Variants in TENM1 observed in about 807,000 individuals in gnomAD.
TENM1 encodes the protein teneurin transmembrane protein 1.
In TENM1, 35 loss-of-function variants were observed where a neutral mutation model predicts 174.8. That is an observed-to-expected ratio of 0.20 (90% CI 0.15 to 0.27). The LOEUF (loss-of-function observed/expected upper bound fraction) is 0.27, where lower values mean the gene tolerates loss of function less well. Among genes scored for constraint, TENM1 ranks in the 10% least tolerant of loss-of-function variants. The probability of loss-of-function intolerance (pLI) is 1.00; values close to 1 mark genes in which losing one functional copy is unlikely to be tolerated. For synonymous variants in TENM1, 781 were observed against 798.7 expected (o/e 0.98, Z 0.37); for missense variants, 1,633 against 2,130.1 (o/e 0.77, Z 4.59).
At chrX:124,727,795 C>T (rs1369541504) in intron 4 of TENM1, among the ~76,000 whole-genome samples, 1 of 111,047 alleles carries the variant, frequency 9.0e-6, no homozygotes, top group Non-Finnish European at 1.9e-5. Flanking sequence ...AATGAGGGTG[C>T]AAATTTCATG....
At chrX:125,067,599 C>G in the TENM1 span, among the ~76,000 whole-genome samples, 2 of 111,920 alleles carry the variant, frequency 1.8e-5, no homozygotes, top group Non-Finnish European at 3.8e-5. Context: ...TAACTCAGTT[C>G]AGTCATCAAA....
chrX:124,396,838 AG>A (rs1238491509), intron 27 of TENM1, among the ~76,000 whole-genome samples: 1 of 111,587 alleles, frequency 9.0e-6, no homozygotes, highest in Non-Finnish European at 1.9e-5. Context: ...GGAAAAGAGA[AG>A]GGGGGGAAAA....
chrX:125,044,740 A>G, the TENM1 span, among the ~76,000 whole-genome samples: 1 of 111,831 alleles, frequency 8.9e-6, no homozygotes, highest in Non-Finnish European at 1.9e-5. Flanking sequence ...TCCTTATACA[A>G]GGATACTCTA....
the TENM1 span, among the ~76,000 whole-genome samples, chrX:125,109,185 T>G: frequency 9.3e-6 from 1 of 107,201 alleles, no homozygotes; most frequent in Admixed American, 9.7e-5. Context: ...ACGCACACAC[T>G]TACACACACA....
intron 11 of TENM1, among the ~76,000 whole-genome samples, chrX:124,579,895 A>G (rs2049260086): frequency 8.9e-6 from 1 of 112,025 alleles, no homozygotes; most frequent in African/African-American, 3.3e-5. Context: ...AAATGTTGGC[A>G]TCATTGAGGG....
intron 23 of TENM1, among the ~76,000 whole-genome samples, chrX:124,449,099 A>G (rs750347067): frequency 1.6e-4 from 18 of 112,049 alleles, no homozygotes; most frequent in Non-Finnish European, 2.8e-4. Flanking sequence ...GTTACTGGCC[A>G]AATAATCTGG....
At chrX:124,623,790 A>G (rs987150271) in intron 11 of TENM1, among the ~76,000 whole-genome samples, 5 of 111,895 alleles carry the variant, frequency 4.5e-5, no homozygotes, top group Non-Finnish European at 7.5e-5. Context: ...CTTCATTCAC[A>G]GTGACACATG....
intron 11 of TENM1, among the ~76,000 whole-genome samples, chrX:124,572,271 A>G (rs760777228): frequency 2.9e-4 from 33 of 112,273 alleles, no homozygotes; most frequent in African/African-American, 9.7e-4. Context: ...AGAAAAATCT[A>G]TCAATGTAAT....
chrX:124,989,863 G>A, the TENM1 span, among the ~76,000 whole-genome samples: 1 of 111,529 alleles, frequency 9.0e-6, no homozygotes, highest in Non-Finnish European at 1.9e-5. Flanking sequence ...TAAAACATTT[G>A]TTGAATAAAT....
intron 3 of TENM1, among the ~76,000 whole-genome samples, chrX:124,759,916 T>C (rs995091069): frequency 8.9e-6 from 1 of 111,986 alleles, no homozygotes; most frequent in Non-Finnish European, 1.9e-5. Flanking sequence ...GTACCAGTGA[T>C]AGAGACAGGT....
chrX:124,706,130 C>T (rs2052899361), intron 4 of TENM1, among the ~76,000 whole-genome samples: 1 of 112,022 alleles, frequency 8.9e-6, no homozygotes, highest in Admixed American at 9.5e-5. Flanking sequence ...GTATCCATCT[C>T]TTGACCTAGT....
chrX:124,442,874 G>A (rs910666252), intron 23 of TENM1, among the ~76,000 whole-genome samples: 5 of 110,340 alleles, frequency 4.5e-5, no homozygotes, highest in African/African-American at 1.3e-4. Context: ...TGTTGCCCAG[G>A]TTGGTCTTGA....
In TENM1 at chrX:124,604,054, C is replaced by T. The variant is rs148843772; in HGVS notation, c.2077+37737G>A. On this transcript the variant is annotated intron_variant, in intron 11 of 31. Transcript: ENST00000422452. ...ACCCTTTAATATGATCATATTCTTC[C>T]TTCTTTCTCACATCTTTGTACTAAC... Among the ~76,000 whole-genome samples the T allele has an allele frequency of 5.1e-3, 567 of 111,165 alleles. 6 individuals are homozygous for T. The highest frequency in any genetic ancestry group is 0.032 in the East Asian group (114 of 3,522).
chrX:124,985,877 T>C, the TENM1 span, among the ~76,000 whole-genome samples: 2 of 111,642 alleles, frequency 1.8e-5, no homozygotes, highest in Non-Finnish European at 3.8e-5. Flanking sequence ...AAACTTCATT[T>C]TAAAAACCGG....
intron 6 of TENM1, among the ~76,000 whole-genome samples, chrX:124,655,804 A>G (rs1048149300): frequency 3.6e-5 from 4 of 112,581 alleles, no homozygotes; most frequent in African/African-American, 1.3e-4. Context: ...TTATAATAAA[A>G]TAGGCTCTTT....
At chrX:124,794,242 T>C (rs760977196) in intron 3 of TENM1, among the ~76,000 whole-genome samples, 15 of 111,659 alleles carry the variant, frequency 1.3e-4, no homozygotes, top group East Asian at 2.8e-4. Context: ...TCCCAGTCAG[T>C]AGCAGGCTAA....
intron 4 of TENM1, among the ~76,000 whole-genome samples, chrX:124,721,209 C>T (rs1270556797): frequency 5.4e-5 from 6 of 111,547 alleles, no homozygotes; most frequent in Admixed American, 4.8e-4. Context: ...TTCAAAAACT[C>T]ACACGGGGCC....
intron 5 of TENM1, among the ~76,000 whole-genome samples, chrX:124,704,695 G>A (rs2052854256): frequency 9.0e-6 from 1 of 111,136 alleles, no homozygotes; most frequent in South Asian, 3.8e-4. Flanking sequence ...AGCTATTGTA[G>A]ATTGGTACTT....
intron 8 of TENM1, among the ~76,000 whole-genome samples, chrX:124,648,728 T>C (rs2051223924): frequency 8.9e-6 from 1 of 112,093 alleles, no homozygotes; most frequent in Non-Finnish European, 1.9e-5. Flanking sequence ...CCATGCTGGA[T>C]GGTTAGTAGA....
Sources: gnomAD v4.1 joint callset for allele counts (sites outside exome capture counted in the v4.1 genomes callset) on GRCh38, gnomAD v4.1.1 for gene constraint, MANE v1.5 for transcripts, NCBI Gene and HGNC (gene_info 2026-07-23, HGNC 2026-07-21) for gene names.